The following TFPI variants were observed in gnomAD, a reference collection of about 807,000 sequenced individuals.
TFPI encodes the protein tissue factor pathway inhibitor.
A neutral mutation model predicts 34.6 loss-of-function variants in TFPI; 15 were observed. That is an observed-to-expected ratio of 0.43 (90% CI 0.29 to 0.67). The LOEUF is 0.67. Ranked by LOEUF, TFPI falls within the 30% of genes least tolerant of loss-of-function variation. The pLI, the probability that TFPI is intolerant of heterozygous loss-of-function variation, is 0.15. For missense variants in TFPI, 301 were observed against 364.0 expected (o/e 0.83, Z 1.41); for synonymous variants, 105 against 120.1 (o/e 0.87, Z 0.82).
At chr2:187,477,288 C>T (rs1692441109) in intron 6 of TFPI, among the ~76,000 whole-genome samples, 1 of 152,152 alleles carries the variant, frequency 6.6e-6, no homozygotes, top group Non-Finnish European at 1.5e-5. Flanking sequence ...AACTTGTTAT[C>T]TATTTTTGGA....
intron 6 of TFPI, among the ~76,000 whole-genome samples, chr2:187,477,336 G>T (rs1037519139): frequency 2.3e-4 from 35 of 152,230 alleles, no homozygotes; most frequent in African/African-American, 8.0e-4. Context: ...TGAGGCTCCA[G>T]ATTTACTATG....
intron 1 of TFPI, among the ~76,000 whole-genome samples, chr2:187,553,068 T>A (rs1036745634): frequency 1.3e-5 from 2 of 152,076 alleles, no homozygotes; most frequent in Admixed American, 1.3e-4. Flanking sequence ...ATATGGACAC[T>A]GTATATTGAA....
chr2:187,478,667 G>A, intron 6 of TFPI: 1 of 1,611,342 alleles, frequency 6.2e-7, no homozygotes, highest in Non-Finnish European at 8.5e-7. Flanking sequence ...AATGCCAAAA[G>A]CACAAATATT....
intron 1 of TFPI, among the ~76,000 whole-genome samples, chr2:187,523,931 G>A (rs1268157928): frequency 2.0e-5 from 3 of 151,944 alleles, no homozygotes; most frequent in Non-Finnish European, 4.4e-5. Context: ...CTCTACATTA[G>A]TAGGAAACAA....
At chr2:187,481,733 T>C (rs8176522) in intron 6 of TFPI, among the ~76,000 whole-genome samples, 6,408 of 152,024 alleles carry the variant, frequency 0.042, 273 homozygotes, top group African/African-American at 0.1. Context: ...CGGAGGAATG[T>C]TGATTTTGAG....
At chr2:187,521,655 A>C (rs979361700) in intron 1 of TFPI, among the ~76,000 whole-genome samples, 1 of 151,672 alleles carries the variant, frequency 6.6e-6, no homozygotes. Context: ...TGCAACCTCC[A>C]CCTCCCGGGT....
intron 1 of TFPI, among the ~76,000 whole-genome samples, chr2:187,505,334 A>C (rs994965136): frequency 6.6e-6 from 1 of 152,126 alleles, no homozygotes; most frequent in African/African-American, 2.4e-5. Context: ...TATTGCCTAA[A>C]CTTAGTACTT....
At chr2:187,484,285 G>T (rs537524443) in intron 5 of TFPI, 69 bp from the exon 6 acceptor site, 1 of 1,340,220 alleles carries the variant, frequency 7.5e-7, no homozygotes, top group Non-Finnish European at 1.0e-6. Flanking sequence ...CTCATGAAGC[G>T]TACAACAGTT....
intron 1 of TFPI, chr2:187,516,909 C>G (rs1306202705): frequency 6.6e-6 from 1 of 152,226 alleles, no homozygotes; most frequent in Non-Finnish European, 1.5e-5. Flanking sequence ...TCACGACCCT[C>G]TCACGCGGAC....
intron 1 of TFPI, among the ~76,000 whole-genome samples, chr2:187,531,620 C>A (rs1687961841): frequency 6.6e-6 from 1 of 151,910 alleles, no homozygotes; most frequent in African/African-American, 2.4e-5. Flanking sequence ...AGTTCTATGT[C>A]AACCAAAAAT....
chr2:187,523,485 C>G (rs547149369), intron 1 of TFPI, among the ~76,000 whole-genome samples: 1 of 152,224 alleles, frequency 6.6e-6, no homozygotes, highest in East Asian at 1.9e-4. Context: ...CCTCCACCCC[C>G]AAACTCCTTC....
At chr2:187,510,725 T>A (rs1456678553) in intron 1 of TFPI, among the ~76,000 whole-genome samples, 6 of 152,170 alleles carry the variant, frequency 3.9e-5, no homozygotes, top group African/African-American at 1.4e-4. Context: ...CCATTCTGAT[T>A]ACTGGTGCAT....
At chr2:187,501,771 C>G (rs888459925) in intron 2 of TFPI, among the ~76,000 whole-genome samples, 1 of 152,088 alleles carries the variant, frequency 6.6e-6, no homozygotes, top group Non-Finnish European at 1.5e-5. Flanking sequence ...TCTTAATTTT[C>G]TCTCTCCTAG....
At chr2:187,478,585 T>C in intron 6 of TFPI, 1 of 1,467,172 alleles carries the variant, frequency 6.8e-7, no homozygotes. Context: ...ATGTTTACTA[T>C]GCATGTAAAT....
At chr2:187,495,389 A>G (rs8176458) in intron 3 of TFPI, among the ~76,000 whole-genome samples, 2,937 of 152,268 alleles carry the variant, frequency 0.019, 91 homozygotes, top group African/African-American at 0.066. Flanking sequence ...CCCAATATGT[A>G]TGGAAGAAAA....
In TFPI at chr2:187,466,995, T is replaced by A. The variant is rs749239896; in HGVS notation, c.856A>T (p.Lys286Ter). ...SKGGLIKTKR[K>*]RKKQRVKIAY... ...ATTTTCACTCTCTGCTTCTTTCTTT[T>A]TCTTTTGGTTTTAATTAGGCCTCCT... The change falls in exon 8 of 8, where the codon AAA becomes TAA. Residue 286 changes from lysine to a stop codon, truncating the protein, a stop_gained. Transcript: ENST00000233156. LOFTEE classifies it low-confidence loss of function (END_TRUNC). 1.3e-6 allele frequency: 2 copies of A among 1,591,500 alleles called. No homozygotes were observed. Among genetic ancestry groups the A allele is most frequent in the Non-Finnish European group, 1.7e-6 (2 of 1,167,096 alleles).
chr2:187,524,805 T>C (rs1309605311), intron 1 of TFPI, among the ~76,000 whole-genome samples: 3 of 152,060 alleles, frequency 2.0e-5, no homozygotes, highest in South Asian at 2.1e-4. Flanking sequence ...ACAAATGACA[T>C]AGATTTAACA....
chr2:187,519,694 C>G (rs1687245273), intron 1 of TFPI: 1 of 152,258 alleles, frequency 6.6e-6, no homozygotes, highest in Non-Finnish European at 1.5e-5. Context: ...ATCCTCTGCT[C>G]TCTTCAGAGC....
rs371725414 is a variant in TFPI at position 187,503,539 on chromosome 2, C to T, written c.121+109G>A. The T allele has an allele frequency of 3.7e-6, 5 of 1,347,412 alleles. No individual in the cohort carries two copies. In the African/African-American group the frequency reaches 7.4e-5, roughly 20 times the overall value. The allele number at this position is 1,347,412 out of a possible 1,614,324, so 83.5% of individuals were successfully genotyped here. A position where few individuals can be genotyped will look rare whatever the true frequency, so the allele number is the denominator to read the frequency against. ...AATAAATTTCCAAAGAAAAATATCA[C>T]TTCAATAACAACTAATTTCCCTCCA... On this transcript the variant is annotated intron_variant, in intron 2 of 7. Coordinates refer to ENST00000233156, the MANE Select transcript of TFPI (RefSeq NM_006287.6).
Sources: allele counts gnomAD v4.1 joint callset (sites outside exome capture counted in the v4.1 genomes callset), GRCh38; gene constraint gnomAD v4.1.1; transcripts MANE v1.5; gene names NCBI Gene and HGNC (gene_info 2026-07-23, HGNC 2026-07-21).